The following MACROD2 variants were observed in gnomAD, a reference collection of about 807,000 sequenced individuals.
MACROD2 encodes ADP-ribose glycohydrolase MACROD2.
In MACROD2, 36 loss-of-function variants were observed where a neutral mutation model predicts 70.4. That is an observed-to-expected ratio of 0.51 (90% CI 0.39 to 0.68). The LOEUF (loss-of-function observed/expected upper bound fraction) is 0.68. Among genes scored for constraint, MACROD2 ranks in the 30% least tolerant of loss-of-function variants. The pLI, the probability that MACROD2 is intolerant of heterozygous loss-of-function variation, is 0.00. For synonymous variants in MACROD2, 172 were observed against 178.8 expected (o/e 0.96, Z 0.30); for missense variants, 496 against 538.4 (o/e 0.92, Z 0.78).
intron 3 of MACROD2, among the ~76,000 whole-genome samples, chr20:14,275,190 C>T (rs528984616): frequency 1.8e-4 from 27 of 152,154 alleles, no homozygotes; most frequent in South Asian, 8.3e-4. Context: ...CTAAGCCAAA[C>T]GAACAAAGCT....
At chr20:15,430,488 G>A (rs6043273) in intron 6 of MACROD2, among the ~76,000 whole-genome samples, 48,614 of 151,828 alleles carry the variant, frequency 0.32, 8,179 homozygotes, top group African/African-American at 0.41. Flanking sequence ...GAGTAAAACA[G>A]CTTGGTTGAA....
chr20:15,227,905 GC>G (rs1291507058), intron 5 of MACROD2, among the ~76,000 whole-genome samples: 2 of 135,018 alleles, frequency 1.5e-5, no homozygotes, highest in African/African-American at 2.8e-5. Context: ...GGGAAATGCT[GC>G]TTTATAGAAT....
Position 14,765,736 on chromosome 20 carries a change from G to C in MACROD2, c.418+80777G>C, listed in dbSNP as rs531909758. On this transcript the variant is annotated intron_variant, in intron 5 of 17. Transcript: ENST00000684519. ...TTAAAATAAATCAACATATGAAACAGGCCTTGTTCTGGATGAAGTAGGTTG... is the reference window on the plus strand; with the variant it reads ...TTAAAATAAATCAACATATGAAACACGCCTTGTTCTGGATGAAGTAGGTTG... Among the ~76,000 whole-genome samples the C allele has an allele frequency of 6.9e-4, 105 of 152,112 alleles. 2 individuals are homozygous for C. Among genetic ancestry groups the C allele is most frequent in the African/African-American group, 2.3e-3 (97 of 41,456 alleles).
intron 5 of MACROD2, among the ~76,000 whole-genome samples, chr20:14,828,959 T>TA (rs1480959723): frequency 2.7e-4 from 40 of 150,840 alleles, no homozygotes; most frequent in Non-Finnish European, 1.8e-4. Flanking sequence ...TTTCCTTCTT[T>TA]TTTTTTTTTT....
intron 5 of MACROD2, among the ~76,000 whole-genome samples, chr20:14,993,932 T>G (rs2074927732): frequency 6.6e-6 from 1 of 152,182 alleles, no homozygotes; most frequent in African/African-American, 2.4e-5. Context: ...TGCAATGTAA[T>G]TAAAATATGA....
At chr20:15,607,826 G>T (rs182300600) in intron 8 of MACROD2, among the ~76,000 whole-genome samples, 1 of 152,154 alleles carries the variant, frequency 6.6e-6, no homozygotes, top group Non-Finnish European at 1.5e-5. Context: ...AAGTTACCGC[G>T]CCCGGCTGCA....
chr20:15,579,116 G>A lies in MACROD2; in HGVS notation c.645+79269G>A, dbSNP rs1258520720. Among the ~76,000 whole-genome samples, 8 of 152,192 alleles carry A rather than the reference G, an allele frequency of 5.3e-5. No homozygotes were observed. In the East Asian group the frequency reaches 1.4e-3, roughly 26 times the overall value. On this transcript the variant is annotated intron_variant, in intron 8 of 17. Coordinates refer to ENST00000684519, the MANE Select transcript of MACROD2 (RefSeq NM_001351661.2). The stretch of plus-strand genomic sequence containing the variant: ...ATATTTAAGTTGGAAGCAGATACTT[G>A]CTTTGCTTTCTCTGGTTTTCTCTCG...
At chr20:14,190,698 ATTTTTTTTTTTT>A (rs1161419446) in intron 3 of MACROD2, among the ~76,000 whole-genome samples, 1 of 28,090 alleles carries the variant, frequency 3.6e-5, no homozygotes, top group Non-Finnish European at 6.4e-5. Flanking sequence ...ATATATATAT[ATTTTTTTTTTTT>A]TTTTTTTTTT....
intron 3 of MACROD2, among the ~76,000 whole-genome samples, chr20:14,258,374 T>A (rs6042622): frequency 0.99 from 151,362 of 152,310 alleles, 75,217 homozygotes; most frequent in Middle Eastern, 1. Flanking sequence ...CACCACATCC[T>A]TGCCAACATC....
chr20:15,188,203 A>G (rs1373965652), intron 5 of MACROD2, among the ~76,000 whole-genome samples: 1 of 152,244 alleles, frequency 6.6e-6, no homozygotes. Context: ...TTGACAAAGC[A>G]GAACTGACCA....
At chr20:14,721,073 G>A (rs905014680) in intron 5 of MACROD2, among the ~76,000 whole-genome samples, 7 of 151,408 alleles carry the variant, frequency 4.6e-5, no homozygotes, top group African/African-American at 7.3e-5. Flanking sequence ...TGGGCAACAC[G>A]ATGAAACCCC....
At chr20:15,135,713 A>G (rs1265358165) in intron 5 of MACROD2, among the ~76,000 whole-genome samples, 1 of 109,474 alleles carries the variant, frequency 9.1e-6, no homozygotes, top group Non-Finnish European at 2.0e-5. Context: ...AGTTCTGGCC[A>G]GGGCAATTAG....
At chr20:15,084,007 GATTCTTATGAGCAC>G (rs1156443557) in intron 5 of MACROD2, among the ~76,000 whole-genome samples, 2 of 150,812 alleles carry the variant, frequency 1.3e-5, no homozygotes, top group Non-Finnish European at 2.9e-5. Flanking sequence ...GGGAAGCTTG[GATTCTTATGAGCAC>G]ATTCTCCACA....
chr20:14,098,567 CAT>C (rs1328814723), intron 3 of MACROD2, among the ~76,000 whole-genome samples: 2 of 152,014 alleles, frequency 1.3e-5, no homozygotes, highest in African/African-American at 4.8e-5. Flanking sequence ...AGGTAAATAA[CAT>C]ATTAGGACTG....
At chr20:14,415,596 A>G (rs2083794882) in intron 3 of MACROD2, among the ~76,000 whole-genome samples, 1 of 152,122 alleles carries the variant, frequency 6.6e-6, no homozygotes, top group African/African-American at 2.4e-5. Context: ...CTGAGCTGAA[A>G]CCCTGATATG....
intron 4 of MACROD2, among the ~76,000 whole-genome samples, chr20:14,555,135 A>G (rs981640601): frequency 1.3e-5 from 2 of 152,094 alleles, no homozygotes; most frequent in African/African-American, 4.8e-5. Context: ...GGTTTGTAAC[A>G]CAAAGAATAA....
chr20:14,064,435 C>G (rs987416608), intron 2 of MACROD2, among the ~76,000 whole-genome samples: 1 of 152,112 alleles, frequency 6.6e-6, no homozygotes, highest in Non-Finnish European at 1.5e-5. Flanking sequence ...TGTAACATAT[C>G]CAGGACTGAC....
intron 3 of MACROD2, among the ~76,000 whole-genome samples, chr20:14,383,310 T>G (rs63500062): frequency 0.26 from 24,468 of 95,232 alleles, 2,622 homozygotes; most frequent in Non-Finnish European, 0.37. Context: ...GTTTTTTGTT[T>G]TTTTTTTTGC....
chr20:15,722,471 T>C (rs2050800938), intron 8 of MACROD2, among the ~76,000 whole-genome samples: 1 of 152,312 alleles, frequency 6.6e-6, no homozygotes, highest in Non-Finnish European at 1.5e-5. Context: ...AAATTACTAC[T>C]GAGTTTGAGC....
Sources: gnomAD v4.1 joint callset for allele counts (sites outside exome capture counted in the v4.1 genomes callset) on GRCh38, gnomAD v4.1.1 for gene constraint, MANE v1.5 for transcripts, NCBI Gene and HGNC (gene_info 2026-07-23, HGNC 2026-07-21) for gene names.